Variants in PRKG1 observed in about 807,000 individuals in gnomAD.
The protein encoded by PRKG1 is cGMP-dependent protein kinase 1.
PRKG1 carries 35 observed loss-of-function variants against 88.1 expected under a neutral mutation model. That is an observed-to-expected ratio of 0.40 (90% CI 0.30 to 0.53). PRKG1 has a LOEUF of 0.53. Among genes scored for constraint, PRKG1 ranks in the 20% least tolerant of loss-of-function variants. The probability of loss-of-function intolerance (pLI) is 0.59; values close to 1 mark genes in which losing one functional copy is unlikely to be tolerated. For missense variants in PRKG1, 540 were observed against 839.8 expected (o/e 0.64, Z 4.41); for synonymous variants, 303 against 292.5 (o/e 1.04, Z -0.37).
chr10:51,151,142 A>G (rs989520748), intron 1 of PRKG1, among the ~76,000 whole-genome samples: 11 of 151,890 alleles, frequency 7.2e-5, no homozygotes, highest in Admixed American at 5.3e-4. Flanking sequence ...AAAAAAAAAA[A>G]AAAAGAAAAG....
intron 2 of PRKG1, among the ~76,000 whole-genome samples, chr10:51,280,632 T>C (rs1840268536): frequency 6.6e-6 from 1 of 152,360 alleles, no homozygotes; most frequent in East Asian, 1.9e-4. Flanking sequence ...CCATCACTGA[T>C]ACCCTTTCTT....
intron 1 of PRKG1, among the ~76,000 whole-genome samples, chr10:51,086,610 C>A (rs911458062): frequency 6.6e-6 from 1 of 152,140 alleles, no homozygotes; most frequent in Admixed American, 6.6e-5. Flanking sequence ...AAGCAACTCA[C>A]CCCCTTAGAA....
At chr10:51,310,199 A>G (rs1841147346) in intron 2 of PRKG1, among the ~76,000 whole-genome samples, 1 of 152,178 alleles carries the variant, frequency 6.6e-6, no homozygotes, top group African/African-American at 2.4e-5. Flanking sequence ...CCACTACACA[A>G]TATATCTATA....
At chr10:51,738,389 CTATTTGTATGG>C (rs1486258606) in intron 3 of PRKG1, among the ~76,000 whole-genome samples, 31 of 152,124 alleles carry the variant, frequency 2.0e-4, no homozygotes, top group African/African-American at 7.0e-4. Flanking sequence ...AGTTCAAATT[CTATTTGTATGG>C]CATGGTGCAA....
intron 3 of PRKG1, among the ~76,000 whole-genome samples, chr10:51,534,870 C>A (rs989776544): frequency 9.9e-5 from 15 of 152,064 alleles, no homozygotes; most frequent in Admixed American, 2.6e-4. Flanking sequence ...ATATTTACCC[C>A]TTCAGAATAA....
At chr10:51,517,148 A>T (rs150349936) in intron 3 of PRKG1, among the ~76,000 whole-genome samples, 168 of 152,358 alleles carry the variant, frequency 1.1e-3, no homozygotes, top group African/African-American at 4.0e-3. Context: ...AACACAGGAG[A>T]CTTTCTAAGG....
At chr10:51,064,742 A>G (rs1326971721) in intron 1 of PRKG1, among the ~76,000 whole-genome samples, 3 of 152,034 alleles carry the variant, frequency 2.0e-5, no homozygotes, top group African/African-American at 7.2e-5. Context: ...CTGTCTTTTG[A>G]TTTAATTGAA....
chr10:52,077,289 T>G (rs1216113495), intron 7 of PRKG1, among the ~76,000 whole-genome samples: 1 of 152,080 alleles, frequency 6.6e-6, no homozygotes, highest in Non-Finnish European at 1.5e-5. Context: ...CGATGAAAAC[T>G]TCAAAAATAT....
At chr10:51,617,227 A>G (rs1839082444) in intron 3 of PRKG1, among the ~76,000 whole-genome samples, 1 of 151,786 alleles carries the variant, frequency 6.6e-6, no homozygotes, top group African/African-American at 2.4e-5. Context: ...CTTCCAGTTC[A>G]CTCATGGTCT....
At chr10:51,016,853 G>C (rs1321333068) in intron 1 of PRKG1, among the ~76,000 whole-genome samples, 2 of 150,662 alleles carry the variant, frequency 1.3e-5, no homozygotes, top group Non-Finnish European at 3.0e-5. Context: ...ATTTTTAGTA[G>C]AGATGAGATT....
intron 3 of PRKG1, among the ~76,000 whole-genome samples, chr10:51,800,792 G>A (rs1839152208): frequency 6.6e-6 from 1 of 152,018 alleles, no homozygotes; most frequent in African/African-American, 2.4e-5. Context: ...CTTGCATGCA[G>A]AGAGGGAGAT....
In PRKG1 at chr10:51,828,960, C is replaced by T. The variant is rs150201566; in HGVS notation, c.698+24270C>T. 3.7e-4 allele frequency among the ~76,000 whole-genome samples: 56 copies of T among 152,306 alleles called. 1 individual carries two copies. Among genetic ancestry groups the T allele is most frequent in the East Asian group, 1.2e-3 (6 of 5,180 alleles). On this transcript the variant is annotated intron_variant, in intron 4 of 17. Transcript: ENST00000373980. ...TTAAAACAACAAACATTTATCATCA[C>T]GCAGTTTTCATGGGTGAGAAATCTG...
At chr10:51,996,919 G>A (rs1433922390) in intron 5 of PRKG1, among the ~76,000 whole-genome samples, 1 of 152,124 alleles carries the variant, frequency 6.6e-6, no homozygotes, top group Non-Finnish European at 1.5e-5. Context: ...GAAAGAAAAT[G>A]TGGCATATAT....
At chr10:52,020,823 C>T (rs557673556) in intron 5 of PRKG1, among the ~76,000 whole-genome samples, 121 of 152,148 alleles carry the variant, frequency 8.0e-4, no homozygotes, top group Middle Eastern at 3.4e-3. Flanking sequence ...GCACGTGCCC[C>T]GGCTCACTCA....
chr10:51,211,426 C>T (rs535647853), intron 2 of PRKG1, among the ~76,000 whole-genome samples: 1 of 152,184 alleles, frequency 6.6e-6, no homozygotes, highest in Non-Finnish European at 1.5e-5. Flanking sequence ...TGCCCTCTCT[C>T]ACCACTCCTA....
intron 2 of PRKG1, among the ~76,000 whole-genome samples, chr10:51,414,467 A>G (rs1838185299): frequency 6.6e-6 from 1 of 152,232 alleles, no homozygotes; most frequent in Admixed American, 6.5e-5. Flanking sequence ...ATTCTGAGAC[A>G]TAAGTTATGC....
chr10:51,635,285 CA>C (rs141088007), intron 3 of PRKG1, among the ~76,000 whole-genome samples: 2,374 of 108,770 alleles, frequency 0.022, 41 homozygotes, highest in African/African-American at 0.063. Flanking sequence ...ATTATTTTAG[CA>C]AAAAAAAAAA....
At chr10:51,402,144 C>T (rs1326572093) in intron 2 of PRKG1, among the ~76,000 whole-genome samples, 4 of 152,132 alleles carry the variant, frequency 2.6e-5, no homozygotes, top group Non-Finnish European at 5.9e-5. Context: ...TTATGCTTAA[C>T]ATTTATCCTT....
intron 2 of PRKG1, among the ~76,000 whole-genome samples, chr10:51,156,870 A>G (rs1397972451): frequency 6.6e-6 from 1 of 151,974 alleles, no homozygotes; most frequent in Non-Finnish European, 1.5e-5. Flanking sequence ...TCATATTTAT[A>G]AAGAGTATAC....
Sources: allele counts gnomAD v4.1 joint callset (sites outside exome capture counted in the v4.1 genomes callset), GRCh38; gene constraint gnomAD v4.1.1; transcripts MANE v1.5; gene names NCBI Gene and HGNC (gene_info 2026-07-23, HGNC 2026-07-21).